The following LRP2 variants were observed in gnomAD, a reference collection of about 807,000 sequenced individuals.
The protein encoded by LRP2 is LDL receptor related protein 2.
In LRP2, 172 loss-of-function variants were observed where a neutral mutation model predicts 531.0. The ratio of observed to expected loss-of-function variants is 0.32; its 90% CI spans 0.29 to 0.37. The LOEUF (loss-of-function observed/expected upper bound fraction) is 0.37, where lower values mean the gene tolerates loss of function less well. Ranked by LOEUF, LRP2 falls within the 10% of genes least tolerant of loss-of-function variation. The pLI, the probability that LRP2 is intolerant of heterozygous loss-of-function variation, is 1.00. For synonymous variants in LRP2, 1,992 were observed against 2,027.6 expected (o/e 0.98, Z 0.47); for missense variants, 5,167 against 5,868.3 (o/e 0.88, Z 3.90).
intron 19 of LRP2, among the ~76,000 whole-genome samples, chr2:169,254,983 A>G (rs1690246127): frequency 6.6e-6 from 1 of 152,134 alleles, no homozygotes; most frequent in Non-Finnish European, 1.5e-5. Flanking sequence ...ACACTCCTCC[A>G]CAGATAAACA....
In LRP2 at chr2:169,128,711, G is replaced by T. The variant is rs1245287179; in HGVS notation, c.13920C>A (p.Asp4640Glu). 6.2e-7 allele frequency: 1 copy of T among 1,614,134 alleles called. No homozygotes were observed. Among genetic ancestry groups the T allele is most frequent in the Middle Eastern group, 1.6e-4 (1 of 6,062 alleles). ...DPTPTYSATE[D>E]TFKDTANLVK... ...CAAGATTTGCGGTGTCTTTAAAAGT[G>T]TCTTCTGTTGCAGAATAGGTTGGAG... The change falls in exon 79 of 79, where the codon GAC becomes GAA. Residue 4640 changes from aspartate to glutamate, a missense_variant. Around this residue, in one of 6 missense-constraint regions of LRP2, gnomAD observed 348 missense variants for 369.3 expected, o/e 0.94. Coordinates refer to ENST00000649046, the MANE Select transcript of LRP2 (RefSeq NM_004525.3).
At chr2:169,301,242 T>C (rs1684277697) in intron 4 of LRP2, among the ~76,000 whole-genome samples, 3 of 152,122 alleles carry the variant, frequency 2.0e-5, no homozygotes. Context: ...AAAACTGTAC[T>C]ATTTTTGAGC....
chr2:169,169,260 G>C (rs1686902259), intron 60 of LRP2, among the ~76,000 whole-genome samples: 1 of 152,160 alleles, frequency 6.6e-6, no homozygotes, highest in Non-Finnish European at 1.5e-5. Context: ...AGGTGTGGAG[G>C]GGCTGGCCCC....
At chr2:169,208,510 G>T (rs952210082) in intron 38 of LRP2, among the ~76,000 whole-genome samples, 4 of 151,784 alleles carry the variant, frequency 2.6e-5, no homozygotes, top group Admixed American at 6.6e-5. Flanking sequence ...AGGCTTGATG[G>T]CAGTGGCTTA....
At chr2:169,267,717 C>T (rs1407347853) in intron 16 of LRP2, among the ~76,000 whole-genome samples, 2 of 152,092 alleles carry the variant, frequency 1.3e-5, no homozygotes, top group African/African-American at 4.8e-5. Context: ...AGAGCAAACA[C>T]ATTCAAAAGC....
chr2:169,242,937 C>T lies in LRP2; in HGVS notation c.3667+19G>A. 1.3e-6 allele frequency: 2 copies of T among 1,557,788 alleles called. No individual in the cohort carries two copies. Among genetic ancestry groups the T allele is most frequent in the East Asian group, 2.2e-5 (1 of 44,554 alleles). ...AAATGACCCCTTTGTCTGAAACATTCTGGGTATGTGTTACTTACGACAGCC... is the reference window on the plus strand; with the variant it reads ...AAATGACCCCTTTGTCTGAAACATTTTGGGTATGTGTTACTTACGACAGCC... On this transcript the variant is annotated intron_variant, in intron 24 of 78. Coordinates refer to ENST00000649046, the MANE Select transcript of LRP2 (RefSeq NM_004525.3).
chr2:169,235,701 C>T (rs1689580224), intron 29 of LRP2, 139 bp downstream of exon 29: 1 of 710,924 alleles, frequency 1.4e-6, no homozygotes. Context: ...GACTGCCTCT[C>T]ACTGTTGCTG....
At chr2:169,220,209 T>C (rs750911786) in intron 34 of LRP2, among the ~76,000 whole-genome samples, 19 of 152,232 alleles carry the variant, frequency 1.2e-4, no homozygotes, top group Non-Finnish European at 2.6e-4. Context: ...AATTCTTGCT[T>C]GTTTGGAATT....
At chr2:169,154,749 G>T (rs1458818637) in intron 65 of LRP2, 146 bp from the exon 66 acceptor site, 1 of 738,754 alleles carries the variant, frequency 1.4e-6, no homozygotes, top group East Asian at 2.7e-5. Context: ...AATCAATAAA[G>T]CTGACTCTCC....
chr2:169,197,573 C>A (rs10169232), intron 45 of LRP2, among the ~76,000 whole-genome samples: 3 of 151,988 alleles, frequency 2.0e-5, no homozygotes, highest in African/African-American at 7.3e-5. Flanking sequence ...CTCTTTTCTC[C>A]AGTAATTTTA....
chr2:169,241,409 G>A (rs975321975), intron 24 of LRP2, 44 bp from the exon 25 acceptor site: 3 of 1,609,910 alleles, frequency 1.9e-6, no homozygotes, highest in Non-Finnish European at 2.5e-6. Context: ...AATGTAATTT[G>A]TGATCCCTTT....
rs1444378809 is a variant in LRP2 at position 169,128,825 on chromosome 2, C to G, written c.13806G>C (p.Glu4602Asp). 6.2e-7 allele frequency: 1 copy of G among 1,614,050 alleles called. No homozygotes were observed. The highest frequency in any genetic ancestry group is 1.7e-5 in the Admixed American group (1 of 59,978). The change falls in exon 79 of 79, where the codon GAG becomes GAC. Residue 4602 changes from glutamate (E) to aspartate (D), a missense_variant. Glu to Asp is a conservative substitution (Grantham distance 45). Around this residue, in one of 6 missense-constraint regions of LRP2, gnomAD observed 348 missense variants for 369.3 expected, o/e 0.94. Transcript: ENST00000649046. ...NFENPIYAQM[E>D]NEQKESVAAT... ...CAGCAACACTTTCCTTTTGCTCGTT[C>G]TCCATCTAAGAATACAATGTAACAG...
chr2:169,329,116 G>A (rs376240990), intron 1 of LRP2, among the ~76,000 whole-genome samples: 16 of 152,178 alleles, frequency 1.1e-4, no homozygotes, highest in African/African-American at 2.9e-4. Context: ...TGACTTTGGC[G>A]AAAAAAATAA....
At chr2:169,173,445 A>G (rs1458381248) in intron 56 of LRP2, among the ~76,000 whole-genome samples, 1 of 152,210 alleles carries the variant, frequency 6.6e-6, no homozygotes, top group African/African-American at 2.4e-5. Context: ...GTTTTACAGT[A>G]TAACTTTGTG....
At chr2:169,140,999 T>C (rs945508217) in intron 71 of LRP2, among the ~76,000 whole-genome samples, 1 of 152,138 alleles carries the variant, frequency 6.6e-6, no homozygotes, top group Non-Finnish European at 1.5e-5. Context: ...TAGCTACAGA[T>C]ATAGAGATAT....
intron 1 of LRP2, among the ~76,000 whole-genome samples, chr2:169,348,106 T>C (rs771576898): frequency 6.6e-6 from 1 of 152,198 alleles, no homozygotes; most frequent in Non-Finnish European, 1.5e-5. Flanking sequence ...TGGTCCTTTA[T>C]CCATAAAATT....
At position 169,244,780 on chromosome 2, in the gene LRP2, T is replaced by C; in HGVS notation, c.3343A>G (p.Thr1115Ala). The change falls in exon 22 of 79, where the codon ACC (threonine) becomes GCC (alanine). Residue 1115 changes from threonine (T) to alanine (A), a missense_variant. Coordinates refer to ENST00000649046, the MANE Select transcript of LRP2 (RefSeq NM_004525.3). Reference sequence around the variant, plus strand: ...GAGATACACTGGTGATTATCACAGGTGTATTGGGTGTCAAGGCAGGAAGCA... The same window carrying C: ...GAGATACACTGGTGATTATCACAGGCGTATTGGGTGTCAAGGCAGGAAGCA... ...APASCLDTQY[T>A]CDNHQCISKN... 1 of 1,614,128 alleles carries C rather than the reference T, an allele frequency of 6.2e-7. No homozygotes were observed. Among genetic ancestry groups the C allele is most frequent in the Non-Finnish European group, 8.5e-7 (1 of 1,180,028 alleles).
At chr2:169,330,713 G>A (rs573100284) in intron 1 of LRP2, among the ~76,000 whole-genome samples, 2 of 151,986 alleles carry the variant, frequency 1.3e-5, no homozygotes, top group Admixed American at 6.6e-5. Context: ...CCCACATCAC[G>A]GTGACAAAAA....
chr2:169,358,503 A>C (rs1238247207), intron 1 of LRP2, among the ~76,000 whole-genome samples: 1 of 152,214 alleles, frequency 6.6e-6, no homozygotes, highest in East Asian at 1.9e-4. Flanking sequence ...AACTTTTTCA[A>C]GTAGAGAAAG....
Sources: gnomAD v4.1 joint callset for allele counts (sites outside exome capture counted in the v4.1 genomes callset) on GRCh38, gnomAD v4.1.1 for gene constraint, gnomAD v4.1.1 regional missense constraint, MANE v1.5 for transcripts, NCBI Gene and HGNC (gene_info 2026-07-23, HGNC 2026-07-21) for gene names.